CR2: variants seen among roughly 807,000 people sequenced by gnomAD.
CR2 encodes complement receptor type 2.
CR2 carries 96 observed loss-of-function variants against 123.0 expected under a neutral mutation model. That is an observed-to-expected ratio of 0.78 (90% CI 0.66 to 0.93). The LOEUF is 0.93. Among genes scored for constraint, CR2 ranks in the 40% least tolerant of loss-of-function variants. The pLI is 0.00. For synonymous variants in CR2, 484 were observed against 469.5 expected (o/e 1.03, Z -0.40); for missense variants, 1,258 against 1,361.0 (o/e 0.92, Z 1.19).
rs1167940020 is a variant in CR2, at chr1:207,476,245, T to C, written c.2728T>C (p.Cys910Arg). Reference sequence around the variant, plus strand: ...TATTGGTGTCTAAGCCTTCATAGGGTGTCCACCTCCGCCTAAGACCCCTAA... The same window carrying C: ...TATTGGTGTCTAAGCCTTCATAGGGCGTCCACCTCCGCCTAAGACCCCTAA... Reference protein sequence around the residue: ...PTCIKKAFIGCPPPPKTPNGN... With the variant: ...PTCIKKAFIGRPPPPKTPNGN... The change falls in exon 15 of 20, where the codon TGT becomes CGT. Residue 910 changes from cysteine (C) to arginine (R), a missense_variant. Cys to Arg is a radical substitution (Grantham distance 180). Transcript: ENST00000367057. 6.2e-7 allele frequency: 1 copy of C among 1,613,710 alleles called. No homozygotes were observed. Among genetic ancestry groups the C allele is most frequent in the East Asian group, 2.2e-5 (1 of 44,870 alleles).
intron 18 of CR2, among the ~76,000 whole-genome samples, chr1:207,481,521 C>G (rs1444584999): frequency 1.3e-5 from 2 of 151,858 alleles, no homozygotes. Flanking sequence ...TGCAGATAGG[C>G]TATAGAATTA....
Position 207,466,905 on chromosome 1 carries a change from T to G in CR2, c.438T>G (p.Cys146Trp), listed in dbSNP as rs1303595004. 1.3e-6 allele frequency: 2 copies of G among 1,587,252 alleles called. No individual in the cohort carries two copies. The highest frequency in any genetic ancestry group is 1.7e-6 in the Non-Finnish European group (2 of 1,168,786). ...GGGGGCCGACACGACTACCAACCTG[T>G]GTAAGTGGTGAGTATGAAAAGAAAG... ...NMWGPTRLPT[C>W]VSVFPLECPA... Residue 146 changes from cysteine (C) to tryptophan (W), a missense_variant, in exon 2 of 20, where the codon TGT (cysteine) becomes TGG (tryptophan). Coordinates refer to ENST00000367057, the MANE Select transcript of CR2 (RefSeq NM_001006658.3).
chr1:207,471,682 A>AG (rs1658285969), intron 9 of CR2, among the ~76,000 whole-genome samples, 183 bp downstream of exon 9: 2 of 152,176 alleles, frequency 1.3e-5, no homozygotes, highest in Non-Finnish European at 2.9e-5. Context: ...CTTCATCAAT[A>AG]ACTTAAATCT....
At position 207,478,029 on chromosome 1, in the gene CR2, C is replaced by T. The variant is rs138062179; in HGVS notation, c.3047C>T (p.Ser1016Leu). 1.2e-4 allele frequency: 199 copies of T among 1,613,976 alleles called. No homozygotes were observed. Among genetic ancestry groups the T allele is most frequent in the African/African-American group, 1.2e-3 (88 of 75,028 alleles). The change falls in exon 16 of 20, where the codon TCG becomes TTG. Residue 1016 changes from serine (S) to leucine (L), a missense_variant. By Grantham distance (145) the Ser-to-Leu change is moderately radical. Coordinates refer to ENST00000367057, the MANE Select transcript of CR2 (RefSeq NM_001006658.3). ...LEGSPQSQCQ[S>L]DHQWNPPLAV... ...GGCAGTCCCCAGAGCCAGTGCCAATCGGATCACCAATGGAACCCTCCCCTG... is the reference window on the plus strand; with the variant it reads ...GGCAGTCCCCAGAGCCAGTGCCAATTGGATCACCAATGGAACCCTCCCCTG...
intron 14 of CR2, among the ~76,000 whole-genome samples, 189 bp from the exon 15 acceptor site, chr1:207,476,045 A>G (rs1198583733): frequency 6.6e-6 from 1 of 152,124 alleles, no homozygotes; most frequent in East Asian, 1.9e-4. Flanking sequence ...TTCAAATCAT[A>G]TTGGCTATCA....
chr1:207,478,058 G>A lies in CR2; in HGVS notation c.3076G>A (p.Val1026Ile). 1 of 1,613,688 alleles carries A rather than the reference G, an allele frequency of 6.2e-7. No homozygotes were observed. The change falls in exon 16 of 20, where the codon GTT (valine) becomes ATT (isoleucine). Residue 1026 changes from valine to isoleucine, a missense_variant. Transcript: ENST00000367057. ...TCACCAATGGAACCCTCCCCTGGCG[G>A]TTTGCAGATCCCGTAAGTACCAAGG... ...SDHQWNPPLAVCRSRSLAPVL... is the reference protein window; with the variant it reads ...SDHQWNPPLAICRSRSLAPVL...
intron 13 of CR2, 111 bp from the exon 14 acceptor site, chr1:207,474,713 T>A (rs772922230): frequency 1.3e-4 from 152 of 1,210,174 alleles, no homozygotes; most frequent in Non-Finnish European, 8.4e-6. Flanking sequence ...ATTTAAGTTA[T>A]TTTCTAGTTA....
In CR2 at chr1:207,489,835, T is replaced by G. The variant is rs951280558; in HGVS notation, c.*712T>G. 3 of 152,244 alleles carry G rather than the reference T, an allele frequency of 2.0e-5. No individual in the cohort carries two copies. Among genetic ancestry groups the G allele is most frequent in the African/African-American group, 4.8e-5 (2 of 41,462 alleles). The allele number at this position is 152,244 out of a possible 1,614,324, so 9.4% of individuals were successfully genotyped here. ...GATAAGTTCTAGTTGCTTGTAAAAT[T>G]TCACTTAATAATGTGTACATTAGTC... On this transcript the variant is annotated 3_prime_UTR_variant, in exon 20 of 20. Transcript: ENST00000367057.
intron 1 of CR2, among the ~76,000 whole-genome samples, chr1:207,460,585 T>C (rs1657940998): frequency 6.6e-6 from 1 of 152,202 alleles, no homozygotes; most frequent in African/African-American, 2.4e-5. Context: ...TTGCCTGGAC[T>C]ACCATCTGAT....
chr1:207,487,122 A>G (rs1349363407), intron 19 of CR2, among the ~76,000 whole-genome samples: 1 of 152,218 alleles, frequency 6.6e-6, no homozygotes, highest in Non-Finnish European at 1.5e-5. Flanking sequence ...GAAGGCACCC[A>G]CTAAGAAGTG....
Position 207,468,693 on chromosome 1 carries a change from T to C in CR2, c.612T>C (p.Ser204=), listed in dbSNP as rs746566723. 2.5e-6 allele frequency: 4 copies of C among 1,613,966 alleles called. No homozygotes were observed. The Admixed American group carries it at 6.7e-5, about 27-fold the overall frequency. ...IINCLSSGKW[S]AVPPTCEEAR... ...ACTGTTTGTCTTCGGGAAAATGGAGTGCTGTCCCCCCCACATGTGAAGGTA... is the reference window on the plus strand; with the variant it reads ...ACTGTTTGTCTTCGGGAAAATGGAGCGCTGTCCCCCCCACATGTGAAGGTA... The change falls in exon 3 of 20, where the codon AGT becomes AGC. Residue 204 remains serine, a synonymous_variant. Transcript: ENST00000367057.
At position 207,466,586 on chromosome 1, in the gene CR2, C is replaced by T; in HGVS notation, c.119C>T (p.Pro40Leu). 3 of 1,614,054 alleles carry T rather than the reference C, an allele frequency of 1.9e-6. No homozygotes were observed. Among genetic ancestry groups the T allele is most frequent in the East Asian group, 4.5e-5 (2 of 44,884 alleles). The change falls in exon 2 of 20, where the codon CCC (proline) becomes CTC (leucine). Residue 40 changes from proline (P) to leucine (L), a missense_variant. Pro to Leu is a moderately conservative substitution (Grantham distance 98). Transcript: ENST00000367057. Reference protein sequence around the residue: ...LNGRISYYSTPIAVGTVIRYS... With the variant: ...LNGRISYYSTLIAVGTVIRYS... ...GGCCGGATTAGTTATTATTCTACCC[C>T]CATTGCTGTTGGTACCGTGATAAGG...
chr1:207,465,056 G>A (rs567749461), intron 1 of CR2, among the ~76,000 whole-genome samples: 27 of 151,990 alleles, frequency 1.8e-4, no homozygotes, highest in Non-Finnish European at 2.9e-4. Context: ...TCAGCCTCCC[G>A]AGTAGCTGGG....
intron 14 of CR2, 59 bp from the exon 15 acceptor site, chr1:207,476,175 A>C (rs1216618208): frequency 6.6e-7 from 1 of 1,512,032 alleles, no homozygotes; most frequent in African/African-American, 1.4e-5. Context: ...ACCCAGAGAT[A>C]GTGCAGGCTA....
intron 14 of CR2, 53 bp from the exon 15 acceptor site, chr1:207,476,181 G>A (rs1358127195): frequency 1.3e-6 from 2 of 1,546,644 alleles, no homozygotes; most frequent in Non-Finnish European, 1.8e-6. Flanking sequence ...AGATAGTGCA[G>A]GCTATGTGTT....
chr1:207,483,555 G>GTT (rs35426473), intron 18 of CR2, among the ~76,000 whole-genome samples: 4,339 of 151,204 alleles, frequency 0.029, 207 homozygotes, highest in African/African-American at 0.098. Context: ...ACTGCACACT[G>GTT]TTTTTTTTTC....
At chr1:207,461,526 G>A (rs999626770) in intron 1 of CR2, among the ~76,000 whole-genome samples, 7 of 152,204 alleles carry the variant, frequency 4.6e-5, no homozygotes, top group African/African-American at 1.4e-4. Flanking sequence ...AAAGTTTTCA[G>A]GATAATTGGT....
Position 207,466,591 on chromosome 1 carries a change from G to A in CR2, c.124G>A (p.Ala42Thr). ...GATTAGTTATTATTCTACCCCCATTGCTGTTGGTACCGTGATAAGGTACAG... is the reference window on the plus strand; with the variant it reads ...GATTAGTTATTATTCTACCCCCATTACTGTTGGTACCGTGATAAGGTACAG... ...GRISYYSTPI[A>T]VGTVIRYSCS... The change falls in exon 2 of 20, where the codon GCT (alanine) becomes ACT (threonine). Residue 42 changes from alanine to threonine, a missense_variant. Transcript: ENST00000367057. 1 of 1,613,968 alleles carries A rather than the reference G, an allele frequency of 6.2e-7. No homozygotes were observed. The highest frequency in any genetic ancestry group is 8.5e-7 in the Non-Finnish European group (1 of 1,179,966).
intron 14 of CR2, 148 bp downstream of exon 14, chr1:207,475,364 C>A: frequency 1.2e-6 from 1 of 818,336 alleles, no homozygotes; most frequent in Non-Finnish European, 1.9e-6. Context: ...CTTTTCCTAT[C>A]TTCTCACTTG....
Sources: gnomAD v4.1 joint callset for allele counts (sites outside exome capture counted in the v4.1 genomes callset) on GRCh38, gnomAD v4.1.1 for gene constraint, MANE v1.5 for transcripts, NCBI Gene and HGNC (gene_info 2026-07-23, HGNC 2026-07-21) for gene names.